BPIFB4: variants seen among roughly 807,000 people sequenced by gnomAD.
The protein encoded by BPIFB4 is BPI fold containing family B member 4.
Under a neutral mutation model 69.2 loss-of-function variants are expected in BPIFB4, and 62 were observed. That is an observed-to-expected ratio of 0.90 (90% CI 0.73 to 1.11). The LOEUF is 1.11. Ranked by LOEUF, BPIFB4 falls within the 50% of genes least tolerant of loss-of-function variation. The probability of loss-of-function intolerance (pLI) is 0.00; values close to 1 mark genes in which losing one functional copy is unlikely to be tolerated. For missense variants in BPIFB4, 789 were observed against 792.0 expected (o/e 1.00, Z 0.04); for synonymous variants, 330 against 332.7 (o/e 0.99, Z 0.09).
At chr20:33,099,113 T>C (rs1025495409) in intron 13 of BPIFB4, among the ~76,000 whole-genome samples, 24 of 152,056 alleles carry the variant, frequency 1.6e-4, no homozygotes, top group Admixed American at 7.9e-4. Context: ...TTAAGCTGTG[T>C]TAAATGCCAT....
At position 33,110,892 on chromosome 20, in the gene BPIFB4, T is replaced by C. The variant is rs551331927; in HGVS notation, c.1822-522T>C. On this transcript the variant is annotated intron_variant, in intron 17 of 17. Transcript: ENST00000375483. ...GTGCAATGGCGCGATCTCGGCTCAC[T>C]GTAACCTCCACCTCCCGGGTTTAAG... Among the ~76,000 whole-genome samples the C allele has an allele frequency of 1.6e-4, 23 of 148,140 alleles. No individual in the cohort carries two copies. In the East Asian group the frequency reaches 4.6e-3, roughly 29 times the overall value.
chr20:33,093,318 C>T (rs1981662378), intron 11 of BPIFB4, among the ~76,000 whole-genome samples: 1 of 150,218 alleles, frequency 6.7e-6, no homozygotes, highest in Non-Finnish European at 1.5e-5. Flanking sequence ...CACCCACCCT[C>T]CCATTCATTT....
chr20:33,100,363 C>T, intron 13 of BPIFB4, 63 bp from the exon 14 acceptor site: 1 of 1,411,250 alleles, frequency 7.1e-7, no homozygotes, highest in Non-Finnish European at 1.0e-6. Flanking sequence ...CACAATGAGC[C>T]TTTGGCAAGC....
chr20:33,083,965 G>A, intron 5 of BPIFB4, 91 bp downstream of exon 5: 1 of 1,412,552 alleles, frequency 7.1e-7, no homozygotes, highest in Non-Finnish European at 9.4e-7. Flanking sequence ...CGGAGGGAAG[G>A]TCTTCAGAGC....
chr20:33,098,370 C>G (rs1034560213), intron 13 of BPIFB4, among the ~76,000 whole-genome samples: 56 of 152,150 alleles, frequency 3.7e-4, no homozygotes, highest in Non-Finnish European at 4.4e-5. Flanking sequence ...GGTGCCTGCT[C>G]TCTTGTACCT....
At chr20:33,086,656 C>T (rs1174986174) in intron 7 of BPIFB4, among the ~76,000 whole-genome samples, 1 of 152,194 alleles carries the variant, frequency 6.6e-6, no homozygotes, top group Non-Finnish European at 1.5e-5. Flanking sequence ...AGCTGATGAA[C>T]GTACGTCCAA....
At position 33,082,901 on chromosome 20, in the gene BPIFB4, G is replaced by A. The variant is rs746380646; in HGVS notation, c.107-37G>A. ...CCTGGGGGCTGGAGGTGGAAAAAAG[G>A]GAGGAACCCTGGACTGATGCCCTTG... On this transcript the variant is annotated intron_variant, in intron 3 of 17. Transcript: ENST00000375483. 3 of 1,588,796 alleles carry A rather than the reference G, an allele frequency of 1.9e-6. No individual in the cohort carries two copies. In the South Asian group the frequency reaches 3.3e-5, roughly 18 times the overall value.
chr20:33,084,005 T>C (rs1569000230), intron 5 of BPIFB4, 131 bp downstream of exon 5: 2 of 1,160,194 alleles, frequency 1.7e-6, no homozygotes, highest in Non-Finnish European at 2.4e-6. Context: ...GGCCTCAGGA[T>C]TGGAAGTTTT....
At chr20:33,098,838 C>T (rs1011640458) in intron 13 of BPIFB4, among the ~76,000 whole-genome samples, 1 of 152,006 alleles carries the variant, frequency 6.6e-6, no homozygotes, top group Non-Finnish European at 1.5e-5. Context: ...CCACAAAGTC[C>T]TCATGACCAT....
At position 33,083,369 on chromosome 20, in the gene BPIFB4, G is replaced by C; in HGVS notation, c.172G>C (p.Val58Leu). 6.2e-7 allele frequency: 1 copy of C among 1,612,464 alleles called. No individual in the cohort carries two copies. Among genetic ancestry groups the C allele is most frequent in the Non-Finnish European group, 8.5e-7 (1 of 1,178,884 alleles). ...HSALREVPLG[V>L]GDIPYNDFHV... The stretch of plus-strand genomic sequence containing the variant: ...CAGACGCATTGAATTCCCCCGAGGT[G>C]TTGGTGATATTCCCTACAATGACTT... Residue 58 changes from valine (V) to leucine (L), a missense_variant and splice_region_variant, in exon 5 of 18, where the codon GTT becomes CTT. Transcript: ENST00000375483.
chr20:33,086,169 G>A lies in BPIFB4; in HGVS notation c.926+5G>A. On this transcript the variant is annotated splice_donor_5th_base_variant and intron_variant, in intron 7 of 17. Transcript: ENST00000375483. ...CAAAGTCAAGCTGCTGCGAGGGTGA[G>A]TGCTAGCCGGCAGTGGAGTGCCTTG... 6.2e-7 allele frequency: 1 copy of A among 1,602,128 alleles called. No individual in the cohort carries two copies. The highest frequency in any genetic ancestry group is 8.5e-7 in the Non-Finnish European group (1 of 1,170,042).
intron 17 of BPIFB4, among the ~76,000 whole-genome samples, chr20:33,109,894 C>CTAT (rs1281093277): frequency 6.6e-6 from 1 of 151,874 alleles, no homozygotes; most frequent in African/African-American, 2.4e-5. Context: ...ATGGCAGCTG[C>CTAT]TATTATTATT....
At position 33,083,826 on chromosome 20, in the gene BPIFB4, G is replaced by A; in HGVS notation, c.629G>A (p.Gly210Asp). The A allele has an allele frequency of 6.2e-7, 1 of 1,613,454 alleles. No homozygotes were observed. Among genetic ancestry groups the A allele is most frequent in the Non-Finnish European group, 8.5e-7 (1 of 1,179,740 alleles). ...GGLLGGGGVL[G>D]VLGEGGILST... ...CTTCTTGGAGGAGGGGGTGTCCTGGGCGTGCTCGGCGAGGGTGGCATCCTC... is the reference window on the plus strand; with the variant it reads ...CTTCTTGGAGGAGGGGGTGTCCTGGACGTGCTCGGCGAGGGTGGCATCCTC... The change falls in exon 5 of 18, where the codon GGC (glycine) becomes GAC (aspartate). Residue 210 changes from glycine to aspartate, a missense_variant. Physicochemically the swap from Gly to Asp is moderately conservative, Grantham distance 94. Transcript: ENST00000375483.
At chr20:33,091,762 A>G (rs922451249) in intron 10 of BPIFB4, among the ~76,000 whole-genome samples, 1 of 152,244 alleles carries the variant, frequency 6.6e-6, no homozygotes, top group Non-Finnish European at 1.5e-5. Flanking sequence ...GATGGAGATT[A>G]GAATGTTTTG....
rs372168456 is a variant in BPIFB4 at position 33,086,701 on chromosome 20, G to A, written c.926+537G>A. ...TGTGCGTTGGTGCCCCAGATCACAG[G>A]GGCATTCCCCACTTGGTTCTGCCCA... On this transcript the variant is annotated intron_variant, in intron 7 of 17. Transcript: ENST00000375483. Among the ~76,000 whole-genome samples the A allele has an allele frequency of 1.1e-3, 171 of 152,320 alleles. 1 individual carries two copies. Among genetic ancestry groups the A allele is most frequent in the Middle Eastern group, 6.8e-3 (2 of 294 alleles).
chr20:33,081,523 C>A lies in BPIFB4; in HGVS notation c.-4C>A. ...TTTCTCCTCCACAGGGAAGCAGTGCCAGCATGTGGATGGCCTGGTGTGTGG... is the reference window on the plus strand; with the variant it reads ...TTTCTCCTCCACAGGGAAGCAGTGCAAGCATGTGGATGGCCTGGTGTGTGG... On this transcript the variant is annotated 5_prime_UTR_variant, in exon 3 of 18. Coordinates refer to ENST00000375483, the MANE Select transcript of BPIFB4 (RefSeq NM_182519.3). 1.3e-6 allele frequency: 2 copies of A among 1,551,616 alleles called. No homozygotes were observed. Among genetic ancestry groups the A allele is most frequent in the South Asian group, 1.2e-5 (1 of 84,058 alleles).
chr20:33,105,490 G>C (rs1184290884), intron 16 of BPIFB4, among the ~76,000 whole-genome samples: 10 of 152,126 alleles, frequency 6.6e-5, no homozygotes, highest in African/African-American at 2.2e-4. Context: ...AGCTTGCTTT[G>C]CTCTCTGGGG....
chr20:33,104,283 G>A (rs1320847464), intron 15 of BPIFB4, among the ~76,000 whole-genome samples: 2 of 152,220 alleles, frequency 1.3e-5, no homozygotes, highest in Admixed American at 6.5e-5. Context: ...AAAGGCTCAA[G>A]GCCAGGAGTT....
chr20:33,110,485 T>C (rs1568590254), intron 17 of BPIFB4, among the ~76,000 whole-genome samples: 1 of 152,212 alleles, frequency 6.6e-6, no homozygotes. Context: ...CCTTAGTAGC[T>C]AATCAATCTC....
Sources: gnomAD v4.1 joint callset for allele counts (sites outside exome capture counted in the v4.1 genomes callset) on GRCh38, gnomAD v4.1.1 for gene constraint, MANE v1.5 for transcripts, NCBI Gene and HGNC (gene_info 2026-07-23, HGNC 2026-07-21) for gene names.